Variants in UQCRC2 observed in about 807,000 individuals in gnomAD.
The protein encoded by UQCRC2 is ubiquinol-cytochrome c reductase core protein 2.
A neutral mutation model predicts 55.6 loss-of-function variants in UQCRC2; 49 were observed. That is an observed-to-expected ratio of 0.88 (90% CI 0.70 to 1.12). UQCRC2 has a LOEUF of 1.12. Ranked by LOEUF, UQCRC2 falls within the 50% of genes most tolerant of loss-of-function variation. UQCRC2 has a pLI of 0.00. For synonymous variants in UQCRC2, 193 were observed against 192.0 expected (o/e 1.01, Z -0.04); for missense variants, 506 against 547.8 (o/e 0.92, Z 0.76).
chr16:21,953,774 G>A (rs1898050111), intron 1 of UQCRC2, among the ~76,000 whole-genome samples: 1 of 152,140 alleles, frequency 6.6e-6, no homozygotes, highest in Non-Finnish European at 1.5e-5. Context: ...AAACCCAGGG[G>A]GAGCGGGAGG....
intron 11 of UQCRC2, among the ~76,000 whole-genome samples, chr16:21,975,436 A>G (rs1898558633): frequency 6.6e-6 from 1 of 152,140 alleles, no homozygotes; most frequent in East Asian, 1.9e-4. Context: ...ATGGGCAGCT[A>G]AAATGAAGGG....
intron 4 of UQCRC2, among the ~76,000 whole-genome samples, chr16:21,961,721 G>C (rs956832501): frequency 7.1e-6 from 1 of 140,320 alleles, no homozygotes; most frequent in African/African-American, 2.6e-5. Context: ...GCATGATCTT[G>C]GCTCACTGTA....
Position 21,968,806 on chromosome 16 carries a change from A to G in UQCRC2, c.670+121A>G, listed in dbSNP as rs997738115. The stretch of plus-strand genomic sequence containing the variant: ...AACTTCGGCCTTCTATTTATGTCAG[A>G]CAGGCAATATATCATAGGATTTTAA... On this transcript the variant is annotated intron_variant, in intron 8 of 13. Coordinates refer to ENST00000268379, the MANE Select transcript of UQCRC2 (RefSeq NM_003366.4). 1.6e-5 allele frequency: 12 copies of G among 729,180 alleles called. No homozygotes were observed. In the African/African-American group the frequency reaches 1.8e-4, roughly 11 times the overall value. The allele number at this position is 729,180 out of a possible 1,614,324, so 45.2% of individuals were successfully genotyped here. A position where few individuals can be genotyped will look rare whatever the true frequency, so the allele number is the denominator to read the frequency against.
At chr16:21,957,144 C>T in intron 1 of UQCRC2, 91 bp from the exon 2 acceptor site, 1 of 1,256,010 alleles carries the variant, frequency 8.0e-7, no homozygotes, top group Non-Finnish European at 1.1e-6. Flanking sequence ...CCCGAACACC[C>T]TCTGTCGCTT....
chr16:21,971,917 C>T lies in UQCRC2; in HGVS notation c.767-6C>T, dbSNP rs141273613. 3 of 1,613,602 alleles carry T rather than the reference C, an allele frequency of 1.9e-6. No individual in the cohort carries two copies. The highest frequency in any genetic ancestry group is 1.7e-4 in the Middle Eastern group (1 of 5,868). On this transcript the variant is annotated splice_region_variant and splice_polypyrimidine_tract_variant and intron_variant, in intron 9 of 13. Transcript: ENST00000268379. Reference sequence around the variant, plus strand: ...CTTCTTCCCTCTATCCTTAATCTGGCCCCAGGTGAAATCCGAGAACAGAAT... The same window carrying T: ...CTTCTTCCCTCTATCCTTAATCTGGTCCCAGGTGAAATCCGAGAACAGAAT...
In UQCRC2 at chr16:21,972,033, C is replaced by G; in HGVS notation, c.877C>G (p.Leu293Val). 6.2e-7 allele frequency: 1 copy of G among 1,614,184 alleles called. No individual in the cohort carries two copies. The highest frequency in any genetic ancestry group is 8.5e-7 in the Non-Finnish European group (1 of 1,180,026). ...ANAFSVLQHV[L>V]GAGPHVKRGS... ...TGCATTTAGTGTTCTTCAGCATGTC[C>G]TCGGTGCTGGGCCACATGTCAAGAG... Residue 293 changes from leucine (L) to valine (V), a missense_variant, in exon 10 of 14, where the codon CTC (leucine) becomes GTC (valine). By Grantham distance (32) the Leu-to-Val change is conservative. Transcript: ENST00000268379.
chr16:21,973,381 CA>C (rs1414077719), intron 10 of UQCRC2, among the ~76,000 whole-genome samples: 1 of 152,168 alleles, frequency 6.6e-6, no homozygotes, highest in Non-Finnish European at 1.5e-5. Flanking sequence ...AAGCTCTGCT[CA>C]AACTAGATAA....
chr16:21,972,221 C>T, intron 10 of UQCRC2, 99 bp downstream of exon 10: 2 of 1,425,660 alleles, frequency 1.4e-6, no homozygotes, highest in Non-Finnish European at 1.9e-6. Context: ...GACAAACACA[C>T]AGAAAATCTT....
At position 21,971,945 on chromosome 16, in the gene UQCRC2, A is replaced by C; in HGVS notation, c.789A>C (p.Gly263=). 6.2e-7 allele frequency: 1 copy of C among 1,614,118 alleles called. No individual in the cohort carries two copies. Among genetic ancestry groups the C allele is most frequent in the Non-Finnish European group, 8.5e-7 (1 of 1,180,032 alleles). The change falls in exon 10 of 14, where the codon GGA becomes GGC. Residue 263 remains glycine, a synonymous_variant. Transcript: ENST00000268379. ...YRGGEIREQN[G]DSLVHAAFVA... The stretch of plus-strand genomic sequence containing the variant: ...CAGGTGAAATCCGAGAACAGAATGG[A>C]GACAGTCTTGTCCATGCTGCTTTTG...
In UQCRC2 at chr16:21,973,895, G is replaced by C. The variant is rs758472054; in HGVS notation, c.967-1G>C. On this transcript the variant is annotated splice_acceptor_variant, in intron 10 of 13. Coordinates refer to ENST00000268379, the MANE Select transcript of UQCRC2 (RefSeq NM_003366.4). LOFTEE classifies it high-confidence loss of function. ...TACAGTAAAGTCTCATTATCTTTCA[G>C]GTTTCTGCATTTAATGCCAGTTACT... The C allele has an allele frequency of 6.2e-7, 1 of 1,612,470 alleles. No homozygotes were observed.
At chr16:21,958,780 A>G (rs1158859922) in intron 4 of UQCRC2, among the ~76,000 whole-genome samples, 181 bp downstream of exon 4, 1 of 152,224 alleles carries the variant, frequency 6.6e-6, no homozygotes, top group Admixed American at 6.5e-5. Context: ...AAATTTAAGT[A>G]ACTGTCTGGG....
At chr16:21,970,334 G>A (rs551254624) in intron 8 of UQCRC2, among the ~76,000 whole-genome samples, 32 of 152,236 alleles carry the variant, frequency 2.1e-4, no homozygotes, top group African/African-American at 7.7e-4. Context: ...AGGACATATG[G>A]TAACTCTGTT....
chr16:21,981,517 G>A (rs754665643), intron 13 of UQCRC2, among the ~76,000 whole-genome samples: 12 of 152,136 alleles, frequency 7.9e-5, no homozygotes, highest in Non-Finnish European at 1.5e-4. Context: ...ACTTTGGAAG[G>A]CTGAGGTGGG....
intron 12 of UQCRC2, 200 bp from the exon 13 acceptor site, chr16:21,980,347 C>T: frequency 1.7e-6 from 1 of 597,592 alleles, no homozygotes; most frequent in East Asian, 2.9e-5. Flanking sequence ...CCTGAAGAGA[C>T]TTCTTCCCTT....
chr16:21,981,931 C>T (rs1037460737), intron 13 of UQCRC2, among the ~76,000 whole-genome samples: 1 of 150,972 alleles, frequency 6.6e-6, no homozygotes, highest in Non-Finnish European at 1.5e-5. Flanking sequence ...ACCTCCGCCT[C>T]CCGGGTTCAC....
chr16:21,974,620 T>A (rs193144676), intron 11 of UQCRC2, among the ~76,000 whole-genome samples: 1 of 152,230 alleles, frequency 6.6e-6, no homozygotes, highest in East Asian at 1.9e-4. Context: ...AAGGAATGAA[T>A]GACAAGTAAG....
intron 11 of UQCRC2, among the ~76,000 whole-genome samples, chr16:21,974,764 A>G (rs972928359): frequency 2.0e-5 from 3 of 152,214 alleles, no homozygotes; most frequent in African/African-American, 7.2e-5. Context: ...CGGAGATAGA[A>G]AATTATAAAT....
At position 21,957,226 on chromosome 16, in the gene UQCRC2, T is replaced by A. The variant is rs576436217; in HGVS notation, c.34-9T>A. ...AGAAATACGTGTAACCTGTGTTTTT[T>A]ATGTTTAGAGATTTTATTCCCTCAA... On this transcript the variant is annotated splice_polypyrimidine_tract_variant and intron_variant, in intron 1 of 13. Coordinates refer to ENST00000268379, the MANE Select transcript of UQCRC2 (RefSeq NM_003366.4). 6.2e-7 allele frequency: 1 copy of A among 1,613,180 alleles called. No individual in the cohort carries two copies. The highest frequency in any genetic ancestry group is 8.5e-7 in the Non-Finnish European group (1 of 1,179,690).
chr16:21,962,544 C>G, intron 5 of UQCRC2, 28 bp downstream of exon 5: 1 of 1,613,956 alleles, frequency 6.2e-7, no homozygotes, highest in East Asian at 2.2e-5. Flanking sequence ...TTTAGGACTT[C>G]TGCTTTGAAA....
Sources: gnomAD v4.1 joint callset for allele counts (sites outside exome capture counted in the v4.1 genomes callset) on GRCh38, gnomAD v4.1.1 for gene constraint, MANE v1.5 for transcripts, NCBI Gene and HGNC (gene_info 2026-07-23, HGNC 2026-07-21) for gene names.